Variants in SULF1 observed in about 807,000 individuals in gnomAD.
SULF1 encodes the protein sulfatase 1.
SULF1 carries 46 observed loss-of-function variants against 110.5 expected under a neutral mutation model. The ratio of observed to expected loss-of-function variants is 0.42; its 90% CI spans 0.33 to 0.53. The LOEUF is 0.53. SULF1 is among the 20% of genes least tolerant of loss of function. The pLI, the probability that SULF1 is intolerant of heterozygous loss-of-function variation, is 0.12. For synonymous variants in SULF1, 371 were observed against 387.1 expected (o/e 0.96, Z 0.49); for missense variants, 941 against 1,094.2 (o/e 0.86, Z 1.98).
At chr8:69,488,984 G>A (rs774976828), upstream of SULF1, among the ~76,000 whole-genome samples, 2 of 152,190 alleles carry the variant, frequency 1.3e-5, no homozygotes, top group Non-Finnish European at 2.9e-5. Context: ...ACCTGGTGGA[G>A]TGAGGCTGGC....
chr8:69,488,612 C>T (rs1025513130), upstream of SULF1, among the ~76,000 whole-genome samples: 1 of 152,142 alleles, frequency 6.6e-6, no homozygotes, highest in Admixed American at 6.5e-5. Context: ...TTTAGTATTA[C>T]TACTACTGTC....
intron 22 of SULF1, among the ~76,000 whole-genome samples, chr8:69,649,782 T>C (rs779959652): frequency 1.3e-5 from 2 of 152,142 alleles, no homozygotes; most frequent in Non-Finnish European, 2.9e-5. Flanking sequence ...CTTGGTGGTA[T>C]TACCTTTGAT....
intron 22 of SULF1, among the ~76,000 whole-genome samples, chr8:69,649,600 C>G (rs1184458186): frequency 6.6e-6 from 1 of 152,176 alleles, no homozygotes; most frequent in Non-Finnish European, 1.5e-5. Flanking sequence ...AGTTCCTCAA[C>G]TTCTCATTAT....
chr8:69,535,908 CT>C (rs1813399384), intron 3 of SULF1, among the ~76,000 whole-genome samples: 1 of 151,984 alleles, frequency 6.6e-6, no homozygotes, highest in African/African-American at 2.4e-5. Flanking sequence ...ATCCCAGCTA[CT>C]CAGGAGACTG....
intron 15 of SULF1, among the ~76,000 whole-genome samples, 174 bp from the exon 16 acceptor site, chr8:69,627,036 C>T (rs1416253604): frequency 6.6e-6 from 1 of 152,230 alleles, no homozygotes; most frequent in Admixed American, 6.5e-5. Context: ...TCACGACTGC[C>T]AGCACGCTGT....
chr8:69,595,918 GAA>G (rs1807279800), intron 8 of SULF1, among the ~76,000 whole-genome samples: 2 of 152,112 alleles, frequency 1.3e-5, no homozygotes, highest in Non-Finnish European at 2.9e-5. Flanking sequence ...TTATTCTCCT[GAA>G]ATACCCACCT....
At chr8:69,585,989 G>A (rs117391402) in intron 6 of SULF1, among the ~76,000 whole-genome samples, 47 of 152,246 alleles carry the variant, frequency 3.1e-4, no homozygotes, top group African/African-American at 5.5e-4. Flanking sequence ...ACACCTGCCC[G>A]GTGGTTGCAT....
At chr8:69,626,359 A>G (rs1310927061) in intron 15 of SULF1, among the ~76,000 whole-genome samples, 2 of 152,222 alleles carry the variant, frequency 1.3e-5, no homozygotes, top group Admixed American at 1.3e-4. Flanking sequence ...TGTGTTTACA[A>G]TCCCTGAGCT....
chr8:69,548,372 T>C (rs1018227021), intron 3 of SULF1, among the ~76,000 whole-genome samples: 5 of 152,076 alleles, frequency 3.3e-5, no homozygotes, highest in African/African-American at 1.2e-4. Context: ...ATTTATGTAT[T>C]GGGCAAACTG....
chr8:69,641,205 G>C, intron 22 of SULF1: 1 of 196,512 alleles, frequency 5.1e-6, no homozygotes, highest in Non-Finnish European at 1.0e-5. Flanking sequence ...TTGATTTGGT[G>C]GGGGAGCTTC....
At chr8:69,530,519 T>C (rs1171643100) in intron 3 of SULF1, among the ~76,000 whole-genome samples, 1 of 152,184 alleles carries the variant, frequency 6.6e-6, no homozygotes, top group Non-Finnish European at 1.5e-5. Flanking sequence ...AAACTTGCTT[T>C]TGTTACTTGG....
At chr8:69,520,493 A>T (rs1812224277) in intron 3 of SULF1, among the ~76,000 whole-genome samples, 1 of 152,196 alleles carries the variant, frequency 6.6e-6, no homozygotes, top group East Asian at 1.9e-4. Flanking sequence ...AAATTTTAAG[A>T]TAGGATAACA....
chr8:69,492,445 A>G (rs1021642998), upstream of SULF1, among the ~76,000 whole-genome samples: 3 of 152,152 alleles, frequency 2.0e-5, no homozygotes, highest in African/African-American at 4.8e-5. Context: ...TGAGTCTAAG[A>G]AACATCAGTG....
intron 3 of SULF1, among the ~76,000 whole-genome samples, chr8:69,543,265 T>A (rs894409055): frequency 6.6e-6 from 1 of 152,166 alleles, no homozygotes; most frequent in Non-Finnish European, 1.5e-5. Flanking sequence ...GATATGCAGG[T>A]TTGTTACATA....
At chr8:69,586,799 TC>T (rs1806497806) in intron 7 of SULF1, among the ~76,000 whole-genome samples, 1 of 152,092 alleles carries the variant, frequency 6.6e-6, no homozygotes, top group Non-Finnish European at 1.5e-5. Context: ...TCCTCCCAGT[TC>T]CCCCGGACCC....
chr8:69,533,446 TC>T (rs1327949336), intron 3 of SULF1, among the ~76,000 whole-genome samples: 1 of 152,076 alleles, frequency 6.6e-6, no homozygotes, highest in Non-Finnish European at 1.5e-5. Flanking sequence ...TTGTTCCCCT[TC>T]CTGTGTCCAC....
intron 18 of SULF1, 61 bp from the exon 19 acceptor site, chr8:69,629,443 C>A: frequency 6.6e-7 from 1 of 1,514,376 alleles, no homozygotes; most frequent in Non-Finnish European, 8.9e-7. Flanking sequence ...CAGCAACAAG[C>A]CTATTTGTAA....
chr8:69,517,280 G>T (rs1242239283), intron 3 of SULF1, among the ~76,000 whole-genome samples: 1 of 152,138 alleles, frequency 6.6e-6, no homozygotes, highest in Non-Finnish European at 1.5e-5. Context: ...GTCCATGAGG[G>T]CAGAACTCTC....
chr8:69,556,096 G>T (rs1396611092), intron 3 of SULF1, among the ~76,000 whole-genome samples: 2 of 152,054 alleles, frequency 1.3e-5, no homozygotes, highest in Non-Finnish European at 1.5e-5. Context: ...CTGTGTGTGG[G>T]TATATATATT....
Sources: allele counts gnomAD v4.1 joint callset (sites outside exome capture counted in the v4.1 genomes callset), GRCh38; gene constraint gnomAD v4.1.1; transcripts MANE v1.5; gene names NCBI Gene and HGNC (gene_info 2026-07-23, HGNC 2026-07-21).